SNAP47: variants seen among roughly 807,000 people sequenced by gnomAD.
The protein encoded by SNAP47 is synaptosome associated protein 47.
Under a neutral mutation model 31.4 loss-of-function variants are expected in SNAP47, and 20 were observed. The observed-to-expected ratio is 0.64, with a 90% CI of 0.45 to 0.93. SNAP47 has a LOEUF of 0.93. SNAP47 is among the 40% of genes least tolerant of loss of function. The pLI, the probability that SNAP47 is intolerant of heterozygous loss-of-function variation, is 0.00. For synonymous variants in SNAP47, 194 were observed against 213.4 expected (o/e 0.91, Z 0.79); for missense variants, 492 against 528.5 (o/e 0.93, Z 0.68).
At chr1:227,739,836 G>A (rs1340123393) in intron 1 of SNAP47, among the ~76,000 whole-genome samples, 2 of 152,204 alleles carry the variant, frequency 1.3e-5, no homozygotes, top group African/African-American at 4.8e-5. Flanking sequence ...ATTCAGCTGT[G>A]TGTTCTCAGG....
intron 3 of SNAP47, among the ~76,000 whole-genome samples, chr1:227,765,861 G>A (rs910565100): frequency 5.3e-5 from 8 of 152,268 alleles, no homozygotes; most frequent in Non-Finnish European, 1.0e-4. Context: ...CTGTCAGGGA[G>A]GGTGAGCTTG....
chr1:227,740,329 A>C (rs1163579904), intron 1 of SNAP47, among the ~76,000 whole-genome samples: 3 of 152,196 alleles, frequency 2.0e-5, no homozygotes, highest in Non-Finnish European at 4.4e-5. Context: ...CCAAGTACAC[A>C]GGGAAAGGCT....
At chr1:227,748,672 G>A (rs1160408016) in intron 2 of SNAP47, among the ~76,000 whole-genome samples, 2 of 152,162 alleles carry the variant, frequency 1.3e-5, no homozygotes, top group African/African-American at 2.4e-5. Context: ...CTCTGTTAGT[G>A]AGGTGTCTCC....
rs371929563 is a variant in SNAP47 at position 227,759,420 on chromosome 1, C to T, written c.923C>T (p.Ala308Val). The T allele has an allele frequency of 3.1e-6, 5 of 1,614,102 alleles. No homozygotes were observed. Among genetic ancestry groups the T allele is most frequent in the Non-Finnish European group, 4.2e-6 (5 of 1,180,052 alleles). ...AAGAAGATGGAGCTGTTAGAAGATGCATTGGTGCTCAGAAGCGCAAGAACC... is the reference window on the plus strand; with the variant it reads ...AAGAAGATGGAGCTGTTAGAAGATGTATTGGTGCTCAGAAGCGCAAGAACC... ...FSKKMELLED[A>V]LVLRSARTSS... Residue 308 changes from alanine (A) to valine (V), a missense_variant, in exon 3 of 5, where the codon GCA becomes GTA. Coordinates refer to ENST00000617596, the MANE Select transcript of SNAP47 (RefSeq NM_053052.4).
chr1:227,735,550 C>G, intron 1 of SNAP47, 51 bp downstream of exon 1: 1 of 1,355,280 alleles, frequency 7.4e-7, no homozygotes, highest in South Asian at 1.9e-5. Context: ...CAAGCCGTAG[C>G]GTCCGCCCTC....
rs1044826773 is a variant in SNAP47 at position 227,762,546 on chromosome 1, C to T, written c.988+3061C>T. The stretch of plus-strand genomic sequence containing the variant: ...GGCTCCCTGGAGGTGGAAACCATGA[C>T]GGATGTCTCAGAAATCCCTGCCTCT... On this transcript the variant is annotated intron_variant, in intron 3 of 4. Transcript: ENST00000617596. The surrounding 1 kb of genome is among the most constrained non-coding windows in gnomAD (Gnocchi z 4.2). Among the ~76,000 whole-genome samples, 6 of 152,220 alleles carry T rather than the reference C, an allele frequency of 3.9e-5. No homozygotes were observed. In the East Asian group the frequency reaches 7.7e-4, roughly 20 times the overall value.
intron 4 of SNAP47, chr1:227,770,665 C>G (rs1168971752): frequency 1.3e-5 from 2 of 154,840 alleles, no homozygotes; most frequent in East Asian, 3.9e-4. Flanking sequence ...TCTAAACTTT[C>G]CTCAATTAAT....
Position 227,762,377 on chromosome 1 carries a change from G to A in SNAP47, c.988+2892G>A, listed in dbSNP as rs1011288632. On this transcript the variant is annotated intron_variant, in intron 3 of 4. Transcript: ENST00000617596. This position sits in a 1 kb window ranked among gnomAD's most constrained non-coding sequence, Gnocchi z 4.2. Reference sequence around the variant, plus strand: ...TATGTTAGCAAGAAGGCGGCGCCCCGTTTGATGGGAGCTCAGTAGTCTGTG... The same window carrying A: ...TATGTTAGCAAGAAGGCGGCGCCCCATTTGATGGGAGCTCAGTAGTCTGTG... 6.6e-6 allele frequency among the ~76,000 whole-genome samples: 1 copy of A among 152,236 alleles called. No homozygotes were observed. The highest frequency in any genetic ancestry group is 1.5e-5 in the Non-Finnish European group (1 of 68,036).
chr1:227,774,498 G>C (rs2102995825), intron 4 of SNAP47, among the ~76,000 whole-genome samples: 1 of 152,290 alleles, frequency 6.6e-6, no homozygotes, highest in Non-Finnish European at 1.5e-5. Flanking sequence ...GTGTGTCACA[G>C]CCCTGAGTGT....
upstream of SNAP47, chr1:227,733,222 A>C: frequency 1.2e-6 from 1 of 847,088 alleles, no homozygotes; most frequent in Non-Finnish European, 1.8e-6. Flanking sequence ...GTGAACCCAG[A>C]GCAAGTAGAC....
At position 227,747,741 on chromosome 1, in the gene SNAP47, G is replaced by A. The variant is rs769955830; in HGVS notation, c.5G>A (p.Ser2Asn). MSRDVCIHTWPC... is the reference protein window; with the variant it reads MNRDVCIHTWPC... The stretch of plus-strand genomic sequence containing the variant: ...CGCACACAGACCCAGGAACAGATGA[G>A]CAGGGATGTCTGCATCCACACCTGG... The change falls in exon 2 of 5, where the codon AGC becomes AAC. Residue 2 changes from serine (S) to asparagine (N), a missense_variant. Transcript: ENST00000617596. 7 of 1,613,666 alleles carry A rather than the reference G, an allele frequency of 4.3e-6. No homozygotes were observed. The highest frequency in any genetic ancestry group is 5.9e-6 in the Non-Finnish European group (7 of 1,179,712).
At chr1:227,734,287 G>A (rs1660899337), upstream of SNAP47, 1 of 474,342 alleles carries the variant, frequency 2.1e-6, no homozygotes, top group Admixed American at 3.9e-5. Context: ...ATGCTGAGGT[G>A]GATGCATCAC....
At chr1:227,734,562 G>C, upstream of SNAP47, 1 of 1,277,048 alleles carries the variant, frequency 7.8e-7, no homozygotes, top group African/African-American at 1.5e-5. Context: ...GCTCCGTTGT[G>C]CACCCAGGGG....
Position 227,780,840 on chromosome 1 carries a change from G to A in SNAP47, c.*167G>A. 1 of 899,950 alleles carries A rather than the reference G, an allele frequency of 1.1e-6. No homozygotes were observed. The allele number at this position is 899,950 out of a possible 1,614,324, so 55.7% of individuals were successfully genotyped here. A position where few individuals can be genotyped will look rare whatever the true frequency, so the allele number is the denominator to read the frequency against. On this transcript the variant is annotated 3_prime_UTR_variant, in exon 5 of 5. Coordinates refer to ENST00000617596, the MANE Select transcript of SNAP47 (RefSeq NM_053052.4). The stretch of plus-strand genomic sequence containing the variant: ...CTGCACCAGGGGCCTCCCCAGGTGT[G>A]CACCATGCCTGCCTCCCACTTGGCT...
chr1:227,749,103 T>G (rs1270866380), intron 2 of SNAP47, among the ~76,000 whole-genome samples: 1 of 152,220 alleles, frequency 6.6e-6, no homozygotes, highest in Non-Finnish European at 1.5e-5. Context: ...CTTCGGGTCT[T>G]GCGTCATGGC....
intron 4 of SNAP47, among the ~76,000 whole-genome samples, chr1:227,778,743 G>A (rs78171260): frequency 0.013 from 1,904 of 152,242 alleles, 58 homozygotes; most frequent in African/African-American, 0.043. Context: ...TGGGCCAGGC[G>A]GTGGAAAAGA....
At chr1:227,776,442 C>T (rs2103000690) in intron 4 of SNAP47, 1 of 986,050 alleles carries the variant, frequency 1.0e-6, no homozygotes, top group Non-Finnish European at 1.2e-6. Context: ...AGCAGGGACT[C>T]AAGGAAGTCT....
At chr1:227,766,827 G>T in intron 3 of SNAP47, 132 bp from the exon 4 acceptor site, 2 of 1,325,138 alleles carry the variant, frequency 1.5e-6, no homozygotes. Flanking sequence ...CACAGAGGTC[G>T]AGAGAGGAAG....
intron 4 of SNAP47, chr1:227,776,998 T>C: frequency 1.0e-6 from 1 of 985,446 alleles, no homozygotes; most frequent in Non-Finnish European, 1.2e-6. Flanking sequence ...CACAAATAAA[T>C]TGTGCATATT....
Sources: gnomAD v4.1 joint callset for allele counts (sites outside exome capture counted in the v4.1 genomes callset) on GRCh38, gnomAD v4.1.1 for gene constraint, Gnocchi (gnomAD v3.1) non-coding constraint, MANE v1.5 for transcripts, NCBI Gene and HGNC (gene_info 2026-07-23, HGNC 2026-07-21) for gene names.